Variants in PDE4D observed in about 807,000 individuals in gnomAD.
The protein encoded by PDE4D is 3',5'-cyclic-AMP phosphodiesterase 4D.
Under a neutral mutation model 87.4 loss-of-function variants are expected in PDE4D, and 24 were observed. The ratio of observed to expected loss-of-function variants is 0.27; its 90% confidence interval spans 0.20 to 0.39. The LOEUF (loss-of-function observed/expected upper bound fraction) is 0.39, where lower values mean the gene tolerates loss of function less well. Among genes scored for constraint, PDE4D ranks in the 10% least tolerant of loss-of-function variants. The pLI is 1.00. For synonymous variants in PDE4D, 384 were observed against 383.2 expected (o/e 1.00, Z -0.02); for missense variants, 714 against 1,041.0 (o/e 0.69, Z 4.32).
At chr5:59,548,202 A>G (rs374213735) in intron 1 of PDE4D, among the ~76,000 whole-genome samples, 24 of 152,242 alleles carry the variant, frequency 1.6e-4, no homozygotes, top group African/African-American at 5.5e-4. Flanking sequence ...AGTTTCTATT[A>G]TTTGCAACTA....
chr5:60,334,551 C>T (rs1757578340), intron 1 of PDE4D, among the ~76,000 whole-genome samples: 1 of 151,982 alleles, frequency 6.6e-6, no homozygotes, highest in Admixed American at 6.6e-5. Context: ...GCCCTTCTGC[C>T]AGAATTACAC....
intron 1 of PDE4D, among the ~76,000 whole-genome samples, chr5:60,419,495 C>T (rs1369664827): frequency 6.6e-6 from 1 of 151,234 alleles, no homozygotes; most frequent in Non-Finnish European, 1.5e-5. Context: ...TAATATCTAT[C>T]ACCTCTGAGG....
intron 1 of PDE4D, among the ~76,000 whole-genome samples, chr5:59,497,721 G>C (rs1807483366): frequency 6.6e-6 from 1 of 152,100 alleles, no homozygotes; most frequent in Non-Finnish European, 1.5e-5. Flanking sequence ...TCTGAGATAA[G>C]AGAAACTAAG....
At chr5:59,918,380 C>A (rs372522384) in intron 3 of PDE4D, among the ~76,000 whole-genome samples, 1 of 152,124 alleles carries the variant, frequency 6.6e-6, no homozygotes, top group Non-Finnish European at 1.5e-5. Context: ...AATAGATTTT[C>A]TTTTTGGGAT....
chr5:59,424,521 T>C (rs1361025017), intron 1 of PDE4D, among the ~76,000 whole-genome samples: 3 of 152,084 alleles, frequency 2.0e-5, no homozygotes, highest in Non-Finnish European at 4.4e-5. Flanking sequence ...CTTACAATCA[T>C]GGTGGAAAGC....
chr5:59,501,070 GA>G (rs1166488101), intron 1 of PDE4D, among the ~76,000 whole-genome samples: 50 of 152,216 alleles, frequency 3.3e-4, no homozygotes, highest in African/African-American at 1.2e-3. Context: ...TCCTGAATGT[GA>G]AATCCAAACC....
rs192247836 is a variant in PDE4D, at chr5:59,390,993, C to G, written c.456-175025G>C. Among the ~76,000 whole-genome samples the G allele has an allele frequency of 5.3e-5, 8 of 152,196 alleles. No individual in the cohort carries two copies. In the East Asian group the frequency reaches 1.5e-3, roughly 29 times the overall value. On this transcript the variant is annotated intron_variant, in intron 1 of 14. Coordinates refer to ENST00000340635, the MANE Select transcript of PDE4D (RefSeq NM_001104631.2). ...TTATTAGAGTGTTAGAATTATGGTG[C>G]TATATTTGGATATTTTGAGTAGGTT...
intron 1 of PDE4D, among the ~76,000 whole-genome samples, chr5:59,234,292 T>C (rs1316019993): frequency 1.3e-5 from 2 of 152,226 alleles, no homozygotes; most frequent in Non-Finnish European, 2.9e-5. Flanking sequence ...TTTTTTCTTT[T>C]TTTGTAGAAT....
intron 5 of PDE4D, among the ~76,000 whole-genome samples, chr5:59,095,907 A>G (rs1769615195): frequency 6.6e-6 from 1 of 152,216 alleles, no homozygotes; most frequent in Non-Finnish European, 1.5e-5. Flanking sequence ...TTCTCAGCTC[A>G]TTCTTGATGA....
chr5:60,038,747 A>C (rs1161681712), intron 2 of PDE4D, among the ~76,000 whole-genome samples: 2 of 151,756 alleles, frequency 1.3e-5, no homozygotes, highest in Non-Finnish European at 2.9e-5. Flanking sequence ...CAAAAAAAAA[A>C]CAAACAACCC....
intron 2 of PDE4D, among the ~76,000 whole-genome samples, chr5:60,106,210 A>G (rs557157444): frequency 3.3e-5 from 5 of 151,932 alleles, no homozygotes; most frequent in African/African-American, 1.2e-4. Flanking sequence ...TTGCAATCCT[A>G]GTCTCTGATA....
chr5:59,227,196 T>C (rs563252575), intron 1 of PDE4D, among the ~76,000 whole-genome samples: 72 of 152,280 alleles, frequency 4.7e-4, no homozygotes, highest in African/African-American at 1.7e-3. Flanking sequence ...TTCATCAAGC[T>C]AAAGTCCAAA....
chr5:59,892,304 C>CT (rs1229403939), intron 1 of PDE4D, among the ~76,000 whole-genome samples: 1 of 152,172 alleles, frequency 6.6e-6, no homozygotes, highest in Admixed American at 6.5e-5. Flanking sequence ...GGCGGCTTCC[C>CT]TGCCCTGTCT....
At chr5:59,567,653 G>T (rs1821166007) in intron 1 of PDE4D, among the ~76,000 whole-genome samples, 1 of 152,048 alleles carries the variant, frequency 6.6e-6, no homozygotes, top group South Asian at 2.1e-4. Context: ...ATTTTTCTAA[G>T]GGTTTGAGAA....
Position 59,960,437 on chromosome 5 carries a change from A to T in PDE4D, c.272+28051T>A, listed in dbSNP as rs554105059. ...ATCACAGCACTATTTACAATAGCAA[A>T]GACATGGAAGCAACCTAGGTGCCCA... is the stretch of plus-strand genomic sequence containing the variant. On this transcript the variant is annotated intron_variant, in intron 3 of 16. Coordinates refer to the PDE4D transcript ENST00000502484. Among the ~76,000 whole-genome samples the T allele has an allele frequency of 2.6e-5, 4 of 152,356 alleles. No individual in the cohort carries two copies. In the East Asian group the frequency reaches 7.7e-4, roughly 29 times the overall value.
intron 1 of PDE4D, among the ~76,000 whole-genome samples, chr5:59,325,819 T>C (rs868511635): frequency 6.6e-5 from 10 of 152,126 alleles, no homozygotes; most frequent in Non-Finnish European, 1.2e-4. Flanking sequence ...TAACTATTGA[T>C]GCAATCTGTC....
intron 1 of PDE4D, among the ~76,000 whole-genome samples, chr5:59,301,523 C>A (rs1770247784): frequency 6.6e-6 from 1 of 152,032 alleles, no homozygotes; most frequent in African/African-American, 2.4e-5. Flanking sequence ...GAATTTCTGC[C>A]TTTTTTCCTC....
rs566500250 is a variant in PDE4D at position 60,434,077 on chromosome 5, A to T, written c.-90+53865T>A. Among the ~76,000 whole-genome samples, 367 of 150,114 alleles carry T rather than the reference A, an allele frequency of 2.4e-3. 1 individual carries two copies. The highest frequency in any genetic ancestry group is 8.6e-3 in the African/African-American group (351 of 40,988). On this transcript the variant is annotated intron_variant, in intron 1 of 16. Coordinates refer to the PDE4D transcript ENST00000502484. The stretch of plus-strand genomic sequence containing the variant: ...ACATGTGCCCCTGAAACTAATATTT[A>T]AAAAAAAAAGATTTCAGAGGAGAAA...
At chr5:59,011,351 C>G (rs4493634) in intron 6 of PDE4D, among the ~76,000 whole-genome samples, 31,193 of 152,018 alleles carry the variant, frequency 0.21, 3,657 homozygotes, top group East Asian at 0.54. Flanking sequence ...CTTTTCCGAG[C>G]TAAAGGAGGA....
Sources: gnomAD v4.1 joint callset for allele counts (sites outside exome capture counted in the v4.1 genomes callset) on GRCh38, gnomAD v4.1.1 for gene constraint, MANE v1.5 for transcripts, NCBI Gene and HGNC (gene_info 2026-07-23, HGNC 2026-07-21) for gene names.